Variants in IL1RAPL2 observed in about 807,000 individuals in gnomAD.
The protein encoded by IL1RAPL2 is interleukin 1 receptor accessory protein like 2.
IL1RAPL2 carries 3 observed loss-of-function variants against 44.1 expected under a neutral mutation model. That is an observed-to-expected ratio of 0.07 (90% CI 0.03 to 0.18). The LOEUF (loss-of-function observed/expected upper bound fraction) is 0.18, where lower values mean the gene tolerates loss of function less well. Among genes scored for constraint, IL1RAPL2 ranks in the 10% least tolerant of loss-of-function variants. The probability of loss-of-function intolerance (pLI) is 1.00; values close to 1 mark genes in which losing one functional copy is unlikely to be tolerated. For missense variants in IL1RAPL2, 391 were observed against 496.4 expected (o/e 0.79, Z 2.02); for synonymous variants, 181 against 178.8 (o/e 1.01, Z -0.10).
chrX:105,742,083 G>A (rs993270761), intron 8 of IL1RAPL2, among the ~76,000 whole-genome samples: 2 of 111,448 alleles, frequency 1.8e-5, no homozygotes, highest in African/African-American at 6.5e-5. Flanking sequence ...TCCAATCAGA[G>A]CCTGCTGCTA....
At chrX:105,382,191 A>C (rs1422850293) in intron 5 of IL1RAPL2, among the ~76,000 whole-genome samples, 6 of 107,581 alleles carry the variant, frequency 5.6e-5, no homozygotes, top group Non-Finnish European at 3.8e-5. Flanking sequence ...CAACCTACAG[A>C]ATGGGAGAAA....
At chrX:105,348,929 G>C (rs1387738272) in intron 5 of IL1RAPL2, among the ~76,000 whole-genome samples, 1 of 111,578 alleles carries the variant, frequency 9.0e-6, no homozygotes, top group Non-Finnish European at 1.9e-5. Flanking sequence ...TCCTGAGGAA[G>C]GAACTCAGAT....
At chrX:105,552,965 TC>T (rs1479990262) in intron 6 of IL1RAPL2, among the ~76,000 whole-genome samples, 6 of 112,172 alleles carry the variant, frequency 5.3e-5, no homozygotes, top group Non-Finnish European at 1.1e-4. Context: ...TATCATATTA[TC>T]ATAATGCTTT....
intron 2 of IL1RAPL2, among the ~76,000 whole-genome samples, chrX:105,032,043 G>A (rs1161411830): frequency 9.0e-6 from 1 of 111,447 alleles, no homozygotes; most frequent in Non-Finnish European, 1.9e-5. Context: ...TCTGATGGTA[G>A]TTTGTATTTC....
chrX:105,372,036 C>T (rs755603546), intron 5 of IL1RAPL2, among the ~76,000 whole-genome samples: 2 of 111,626 alleles, frequency 1.8e-5, no homozygotes, highest in Non-Finnish European at 3.8e-5. Flanking sequence ...GAATTCTCTC[C>T]ATAGCATCAT....
intron 6 of IL1RAPL2, among the ~76,000 whole-genome samples, chrX:105,489,742 C>CTCTCTTTCTTTCTT (rs1171703361): frequency 2.0e-5 from 2 of 101,616 alleles, no homozygotes; most frequent in East Asian, 3.0e-4. Flanking sequence ...CTCTCTCTCT[C>CTCTCTTTCTTTCTT]TCTCTTTCTT....
chrX:104,578,182 A>T (rs1345308277), intron 1 of IL1RAPL2, among the ~76,000 whole-genome samples: 1 of 112,054 alleles, frequency 8.9e-6, no homozygotes, highest in African/African-American at 3.2e-5. Flanking sequence ...GAGTTCTTTG[A>T]AGAAATTGCT....
chrX:104,730,623 C>T (rs199885116), intron 2 of IL1RAPL2, among the ~76,000 whole-genome samples: 29,026 of 100,357 alleles, frequency 0.29, 5,080 homozygotes, highest in Non-Finnish European at 0.41. Context: ...AGTCTATCAT[C>T]GTTGGACATT....
chrX:105,263,714 A>C (rs974398691), intron 4 of IL1RAPL2, among the ~76,000 whole-genome samples: 1 of 111,144 alleles, frequency 9.0e-6, no homozygotes, highest in Non-Finnish European at 1.9e-5. Context: ...TGTTGACATT[A>C]TGTTGACTGG....
In IL1RAPL2 at chrX:105,572,611, C is replaced by T. The variant is rs762154702; in HGVS notation, c.772+88224C>T. Among the ~76,000 whole-genome samples the T allele has an allele frequency of 4.5e-5, 5 of 111,780 alleles. No homozygotes were observed. The South Asian group carries it at 1.9e-3, about 42-fold the overall frequency. Reference sequence around the variant, plus strand: ...CTTAACATAGCATAGTCTTTTAGTTCAAGAGTCAGCAAATGATGACCTAAG... The same window carrying T: ...CTTAACATAGCATAGTCTTTTAGTTTAAGAGTCAGCAAATGATGACCTAAG... On this transcript the variant is annotated intron_variant, in intron 6 of 10. Coordinates refer to ENST00000372582, the MANE Select transcript of IL1RAPL2 (RefSeq NM_017416.2).
intron 6 of IL1RAPL2, among the ~76,000 whole-genome samples, chrX:105,521,380 G>A (rs966848957): frequency 4.5e-5 from 5 of 111,046 alleles, no homozygotes; most frequent in African/African-American, 9.8e-5. Flanking sequence ...TGAGATCAGG[G>A]TAAAACAAAT....
intron 2 of IL1RAPL2, among the ~76,000 whole-genome samples, chrX:104,895,039 T>A (rs991778744): frequency 8.9e-6 from 1 of 112,712 alleles, no homozygotes; most frequent in Non-Finnish European, 1.9e-5. Flanking sequence ...GTTGGAGTTT[T>A]CTGGAGGTCC....
chrX:105,447,100 T>TATATAA (rs2035962953), intron 5 of IL1RAPL2, among the ~76,000 whole-genome samples: 1 of 58,264 alleles, frequency 1.7e-5, no homozygotes, highest in African/African-American at 1.1e-4. Flanking sequence ...TATATATATA[T>TATATAA]ATATATAAAA....
chrX:105,062,340 T>C (rs2032085547), intron 2 of IL1RAPL2, among the ~76,000 whole-genome samples: 1 of 112,148 alleles, frequency 8.9e-6, no homozygotes, highest in Non-Finnish European at 1.9e-5. Context: ...TTTTTTGTCC[T>C]TGCTTTTTAA....
At chrX:105,331,956 G>T (rs1195096395) in intron 5 of IL1RAPL2, among the ~76,000 whole-genome samples, 3 of 109,649 alleles carry the variant, frequency 2.7e-5, no homozygotes, top group African/African-American at 9.9e-5. Flanking sequence ...CAAATTTCTT[G>T]CCGCTGTCTC....
At chrX:105,551,910 C>T (rs1848977916) in intron 6 of IL1RAPL2, among the ~76,000 whole-genome samples, 1 of 110,868 alleles carries the variant, frequency 9.0e-6, no homozygotes, top group Non-Finnish European at 1.9e-5. Flanking sequence ...TCGAGACCAT[C>T]CTGGCTAACA....
chrX:104,770,178 A>T (rs1397499696), intron 2 of IL1RAPL2, among the ~76,000 whole-genome samples: 49 of 110,621 alleles, frequency 4.4e-4, no homozygotes, highest in Non-Finnish European at 5.7e-5. Context: ...TGTTTTCTCC[A>T]TTGCTGCCTG....
chrX:105,341,336 T>C (rs1199534979), intron 5 of IL1RAPL2, among the ~76,000 whole-genome samples: 1 of 101,916 alleles, frequency 9.8e-6, no homozygotes, highest in Non-Finnish European at 1.9e-5. Flanking sequence ...GTATTTTCTT[T>C]TCTTTTCTTT....
At chrX:105,017,208 G>A (rs2031197437) in intron 2 of IL1RAPL2, among the ~76,000 whole-genome samples, 1 of 109,389 alleles carries the variant, frequency 9.1e-6, no homozygotes, top group African/African-American at 3.3e-5. Context: ...TTCTTTATTA[G>A]TCTGTCTAGT....
Sources: gnomAD v4.1 joint callset for allele counts (sites outside exome capture counted in the v4.1 genomes callset) on GRCh38, gnomAD v4.1.1 for gene constraint, MANE v1.5 for transcripts, NCBI Gene and HGNC (gene_info 2026-07-23, HGNC 2026-07-21) for gene names.